The following PFKFB3 variants were observed in gnomAD, a reference collection of about 807,000 sequenced individuals.
PFKFB3 encodes the protein 6-phosphofructo-2-kinase/fructose-2,6-biphosphatase 3.
A neutral mutation model predicts 68.0 loss-of-function variants in PFKFB3; 33 were observed. The ratio of observed to expected loss-of-function variants is 0.49; its 90% confidence interval spans 0.37 to 0.65. The LOEUF is 0.65. Ranked by LOEUF, PFKFB3 falls within the 30% of genes least tolerant of loss-of-function variation. The pLI is 0.00. For missense variants in PFKFB3, 586 were observed against 712.2 expected, an observed-to-expected ratio of 0.82 and a Z score of 2.02; for synonymous variants, 315 against 288.2, an observed-to-expected ratio of 1.09 and a Z score of -0.94.
At chr10:6,231,447 G>A (rs939965775) in intron 14 of PFKFB3, 3 of 1,503,206 alleles carry the variant, frequency 2.0e-6, no homozygotes, top group East Asian at 4.8e-5. Flanking sequence ...CACCATTGTC[G>A]TGAGGTCCTT....
intron 1 of PFKFB3, among the ~76,000 whole-genome samples, chr10:6,189,119 G>A (rs867904578): frequency 8.5e-5 from 13 of 152,092 alleles, no homozygotes; most frequent in Admixed American, 2.0e-4. Flanking sequence ...GATTACAGGC[G>A]TGAGCCACCG....
the PFKFB3 span, among the ~76,000 whole-genome samples, chr10:6,272,898 T>G: frequency 6.6e-6 from 1 of 152,042 alleles, no homozygotes; most frequent in Non-Finnish European, 1.5e-5. Context: ...AGGGCTTGAT[T>G]TATAGAGAAA....
intron 1 of PFKFB3, among the ~76,000 whole-genome samples, chr10:6,184,888 G>T (rs1390576792): frequency 6.6e-6 from 1 of 151,718 alleles, no homozygotes; most frequent in Admixed American, 6.6e-5. Flanking sequence ...GGCTACAGGC[G>T]TGAGCCAGCC....
At chr10:6,314,691 A>C in the PFKFB3 span, among the ~76,000 whole-genome samples, 1 of 152,210 alleles carries the variant, frequency 6.6e-6, no homozygotes, top group Non-Finnish European at 1.5e-5. Context: ...TTCACTGAGC[A>C]AATGCTGAAC....
At chr10:6,307,478 A>G in the PFKFB3 span, among the ~76,000 whole-genome samples, 1 of 151,984 alleles carries the variant, frequency 6.6e-6, no homozygotes, top group Admixed American at 6.6e-5. Flanking sequence ...AATTAGGACT[A>G]TAGACTGTAG....
the PFKFB3 span, among the ~76,000 whole-genome samples, chr10:6,302,364 T>G: frequency 4.2e-3 from 18 of 4,274 alleles, no homozygotes; most frequent in Admixed American, 9.6e-3. Context: ...CCTGGCCAGT[T>G]TTTTTTTTTT....
At chr10:6,249,085 A>G (rs747520248) in intron 14 of PFKFB3, among the ~76,000 whole-genome samples, 5 of 151,602 alleles carry the variant, frequency 3.3e-5, no homozygotes, top group African/African-American at 1.2e-4. Flanking sequence ...GAGGCAGGAG[A>G]ATCGCTTGAA....
chr10:6,182,741 G>A (rs1325782103), intron 1 of PFKFB3, among the ~76,000 whole-genome samples: 1 of 152,214 alleles, frequency 6.6e-6, no homozygotes, highest in Non-Finnish European at 1.5e-5. Flanking sequence ...CTGGAGGAGC[G>A]GGCAGGACTG....
At chr10:6,307,529 C>CCTTG in the PFKFB3 span, among the ~76,000 whole-genome samples, 4 of 143,666 alleles carry the variant, frequency 2.8e-5, no homozygotes, top group South Asian at 2.3e-4. Flanking sequence ...TTCCTTCCTT[C>CCTTG]CTTCCTTCCT....
chr10:6,158,525 A>C (rs1841874923), intron 1 of PFKFB3, among the ~76,000 whole-genome samples: 2 of 152,170 alleles, frequency 1.3e-5, no homozygotes, highest in African/African-American at 4.8e-5. Context: ...TAAGTGGTAC[A>C]AATGCCTTGG....
the PFKFB3 span, among the ~76,000 whole-genome samples, chr10:6,312,371 C>T: frequency 6.6e-6 from 1 of 152,188 alleles, no homozygotes; most frequent in Non-Finnish European, 1.5e-5. Flanking sequence ...TCTCTCACCA[C>T]TGTCTCTCCA....
At chr10:6,216,908 C>A (rs980051848) in intron 5 of PFKFB3, 128 bp downstream of exon 5, 67 of 823,080 alleles carry the variant, frequency 8.1e-5, no homozygotes, top group Non-Finnish European at 1.3e-4. Context: ...TCGGTCCCTC[C>A]CCTCCTGCTG....
chr10:6,228,187 C>G lies in PFKFB3; in HGVS notation c.1515+1822C>G, dbSNP rs762693976. Reference sequence around the variant, plus strand: ...CTGACTGACTTCTCTCTCTGCTTCTCCTCCGCAGCCTTTGCTAGGGCAAGC... The same window carrying G: ...CTGACTGACTTCTCTCTCTGCTTCTGCTCCGCAGCCTTTGCTAGGGCAAGC... On this transcript the variant is annotated intron_variant, in intron 14 of 14. Transcript: ENST00000379775. This position sits in a 1 kb window ranked among gnomAD's most constrained non-coding sequence, Gnocchi z 4.5. 2.3e-5 allele frequency: 37 copies of G among 1,612,760 alleles called. No homozygotes were observed. The highest frequency in any genetic ancestry group is 3.1e-5 in the Non-Finnish European group (37 of 1,179,836).
At chr10:6,316,867 C>T in the PFKFB3 span, among the ~76,000 whole-genome samples, 1 of 152,196 alleles carries the variant, frequency 6.6e-6, no homozygotes, top group Non-Finnish European at 1.5e-5. Flanking sequence ...CTGGAAGACT[C>T]TTGGCCAGGT....
the PFKFB3 span, chr10:6,293,807 T>A: frequency 7.4e-6 from 3 of 405,998 alleles, no homozygotes; most frequent in East Asian, 1.2e-4. Flanking sequence ...CCTGCACAGT[T>A]TTCACCATTG....
intron 1 of PFKFB3, among the ~76,000 whole-genome samples, chr10:6,195,931 C>T (rs1843164142): frequency 1.3e-5 from 2 of 152,174 alleles, no homozygotes; most frequent in Non-Finnish European, 2.9e-5. Flanking sequence ...GTTCCAACAT[C>T]CTGCTCTTTT....
chr10:6,311,711 T>G, the PFKFB3 span, among the ~76,000 whole-genome samples: 2 of 151,688 alleles, frequency 1.3e-5, no homozygotes, highest in African/African-American at 4.9e-5. Context: ...ATTGCACCAC[T>G]GCACGTCAGC....
At chr10:6,177,484 C>CTTTCTTTCTTTCTTTCTTTCTTTCTTTCT (rs748168563) in intron 1 of PFKFB3, among the ~76,000 whole-genome samples, 2 of 109,540 alleles carry the variant, frequency 1.8e-5, no homozygotes, top group East Asian at 2.9e-4. Flanking sequence ...TTCTTTCTTT[C>CTTTCTTTCTTTCTTTCTTTCTTTCTTTCT]TTTTTCTTTT....
At chr10:6,250,194 C>T (rs1256414538) in intron 14 of PFKFB3, among the ~76,000 whole-genome samples, 1 of 152,138 alleles carries the variant, frequency 6.6e-6, no homozygotes, top group Non-Finnish European at 1.5e-5. Flanking sequence ...AATAGTTTAA[C>T]ACATAAAATA....
Sources: allele counts gnomAD v4.1 joint callset (sites outside exome capture counted in the v4.1 genomes callset), GRCh38; gene constraint gnomAD v4.1.1; non-coding constraint Gnocchi (gnomAD v3.1); transcripts MANE v1.5; gene names NCBI Gene and HGNC (gene_info 2026-07-23, HGNC 2026-07-21).